Variants in RORA observed in about 807,000 individuals in gnomAD.
RORA encodes the protein RAR related orphan receptor A.
In RORA, 7 loss-of-function variants were observed where a neutral mutation model predicts 69.5. The ratio of observed to expected loss-of-function variants is 0.10; its 90% CI spans 0.06 to 0.19. The LOEUF (loss-of-function observed/expected upper bound fraction) is 0.19. RORA is among the 10% of genes least tolerant of loss of function. RORA has a pLI of 1.00. For synonymous variants in RORA, 261 were observed against 240.8 expected (o/e 1.08, Z -0.78); for missense variants, 457 against 663.0 (o/e 0.69, Z 3.41).
chr15:60,727,617 C>T (rs1315049687), intron 1 of RORA, among the ~76,000 whole-genome samples: 2 of 152,010 alleles, frequency 1.3e-5, no homozygotes, highest in African/African-American at 4.8e-5. Context: ...TATCTGGAGG[C>T]AAAGCAACTG....
chr15:60,993,607 C>A (rs1445258607), intron 1 of RORA, among the ~76,000 whole-genome samples: 1 of 131,440 alleles, frequency 7.6e-6, no homozygotes, highest in East Asian at 2.3e-4. Flanking sequence ...CACGCCACTG[C>A]ACTCCAACCT....
chr15:61,208,966 G>C (rs1312543319), intron 1 of RORA, among the ~76,000 whole-genome samples: 3 of 152,086 alleles, frequency 2.0e-5, no homozygotes, highest in African/African-American at 4.8e-5. Flanking sequence ...GCTTGCGTTA[G>C]TACTTATATT....
At chr15:60,663,301 A>T (rs998193283) in intron 2 of RORA, among the ~76,000 whole-genome samples, 9 of 152,210 alleles carry the variant, frequency 5.9e-5, no homozygotes, top group African/African-American at 1.9e-4. Context: ...GGGCGTAATG[A>T]TGAATTTTAG....
chr15:61,021,563 C>A (rs1235419726), intron 1 of RORA, among the ~76,000 whole-genome samples: 2 of 152,200 alleles, frequency 1.3e-5, no homozygotes, highest in Non-Finnish European at 2.9e-5. Flanking sequence ...ACACAGGGAA[C>A]CTGACCCTGG....
intron 1 of RORA, among the ~76,000 whole-genome samples, chr15:60,730,616 A>G (rs993599572): frequency 7.2e-5 from 11 of 152,194 alleles, no homozygotes; most frequent in African/African-American, 2.4e-4. Context: ...CTTTAAATAT[A>G]TGCTTAAATA....
intron 1 of RORA, among the ~76,000 whole-genome samples, chr15:61,160,234 C>T (rs2079482471): frequency 6.6e-6 from 1 of 152,198 alleles, no homozygotes. Context: ...AGCAAAGTTG[C>T]ATAAACCTGC....
intron 2 of RORA, among the ~76,000 whole-genome samples, chr15:60,665,541 CAGCCCTAAAATTT>C (rs2140725577): frequency 6.6e-6 from 1 of 152,290 alleles, no homozygotes; most frequent in Non-Finnish European, 1.5e-5. Flanking sequence ...TTAAAGCTAT[CAGCCCTAAAATTT>C]AGCCCTAATA....
At chr15:60,526,742 C>T (rs986987857) in intron 3 of RORA, among the ~76,000 whole-genome samples, 1 of 152,144 alleles carries the variant, frequency 6.6e-6, no homozygotes, top group African/African-American at 2.4e-5. Context: ...ATGAATGTAT[C>T]AATGGTGAAA....
chr15:60,585,383 T>C (rs1212446171), intron 2 of RORA, among the ~76,000 whole-genome samples: 1 of 152,210 alleles, frequency 6.6e-6, no homozygotes, highest in Non-Finnish European at 1.5e-5. Context: ...AAACTGTATA[T>C]ACTTAAGTGA....
At chr15:60,667,951 TA>T (rs1357628414) in intron 2 of RORA, among the ~76,000 whole-genome samples, 1,555 of 150,226 alleles carry the variant, frequency 0.01, 10 homozygotes, top group African/African-American at 0.02. Context: ...TTTTTTTTTT[TA>T]AATTTAATTC....
chr15:61,218,286 G>C (rs2080060777), intron 1 of RORA, among the ~76,000 whole-genome samples: 1 of 151,922 alleles, frequency 6.6e-6, no homozygotes, highest in African/African-American at 2.4e-5. Context: ...CGCCCTGAGA[G>C]GCAAGCGGTT....
chr15:60,913,380 C>T (rs1242185631), intron 1 of RORA, among the ~76,000 whole-genome samples: 1 of 152,238 alleles, frequency 6.6e-6, no homozygotes, highest in Non-Finnish European at 1.5e-5. Context: ...ACCCCAGCCT[C>T]CTACAGCCAC....
intron 1 of RORA, among the ~76,000 whole-genome samples, chr15:61,209,246 G>A (rs567196150): frequency 7.1e-6 from 1 of 141,778 alleles, no homozygotes; most frequent in South Asian, 2.5e-4. Flanking sequence ...TGCACAATAT[G>A]AAGGAACTTG....
intron 2 of RORA, among the ~76,000 whole-genome samples, chr15:60,617,293 A>C (rs140847088): frequency 6.6e-6 from 1 of 152,196 alleles, no homozygotes; most frequent in Non-Finnish European, 1.5e-5. Context: ...ACCCAGCCCC[A>C]GTCTTCATTA....
chr15:60,690,110 G>A (rs1285593552), intron 1 of RORA, among the ~76,000 whole-genome samples: 2 of 152,162 alleles, frequency 1.3e-5, no homozygotes, highest in East Asian at 3.9e-4. Flanking sequence ...TAAGGTGTCT[G>A]GCAATAATAC....
At chr15:60,556,841 G>A (rs2067376024) in intron 2 of RORA, 1 of 1,595,638 alleles carries the variant, frequency 6.3e-7, no homozygotes, top group Non-Finnish European at 8.6e-7. Context: ...TACAGTGGAT[G>A]TTTCCCCTCA....
intron 1 of RORA, among the ~76,000 whole-genome samples, chr15:61,107,477 T>C (rs1407202339): frequency 1.3e-5 from 2 of 152,132 alleles, no homozygotes; most frequent in African/African-American, 4.8e-5. Context: ...GAAAATTACA[T>C]TAAATCAGAC....
chr15:60,623,278 G>A (rs922135058), intron 2 of RORA, among the ~76,000 whole-genome samples: 5 of 152,012 alleles, frequency 3.3e-5, no homozygotes, highest in Admixed American at 1.3e-4. Context: ...TCTGGAGAGG[G>A]GTCAGTCTAA....
At chr15:60,734,941 C>T (rs900098415) in intron 1 of RORA, among the ~76,000 whole-genome samples, 5 of 152,224 alleles carry the variant, frequency 3.3e-5, no homozygotes, top group African/African-American at 1.2e-4. Context: ...TGCACTCAGA[C>T]TTGACTTGCA....
Sources: allele counts gnomAD v4.1 joint callset (sites outside exome capture counted in the v4.1 genomes callset), GRCh38; gene constraint gnomAD v4.1.1; transcripts MANE v1.5; gene names NCBI Gene and HGNC (gene_info 2026-07-23, HGNC 2026-07-21).